Variants in ADGRG2 observed in about 807,000 individuals in gnomAD.
ADGRG2 encodes the protein adhesion G protein-coupled receptor G2.
ADGRG2 carries 26 observed loss-of-function variants against 74.1 expected under a neutral mutation model. The ratio of observed to expected loss-of-function variants is 0.35; its 90% CI spans 0.26 to 0.49. The LOEUF is 0.49. ADGRG2 is among the 20% of genes least tolerant of loss of function. The probability of loss-of-function intolerance (pLI) is 0.99; values close to 1 mark genes in which losing one functional copy is unlikely to be tolerated. For missense variants in ADGRG2, 619 were observed against 763.1 expected (o/e 0.81, Z 2.22); for synonymous variants, 296 against 295.2 (o/e 1.00, Z -0.03).
Position 19,107,642 on chromosome X carries a change from T to TG in ADGRG2, c.-47+14799_-47+14800insC, listed in dbSNP as rs1438995746. On this transcript the variant is annotated intron_variant, in intron 1 of 28. Transcript: ENST00000379869. ...TTCCAGGAGTTTTGTTTTTTGTTTT[T>TG]TTTTTTTTTTTCATTTCAAAAGAAA... Among the ~76,000 whole-genome samples the TG allele has an allele frequency of 5.1e-5, 4 of 78,348 alleles. No individual in the cohort carries two copies. In the East Asian group the frequency reaches 1.2e-3, roughly 24 times the overall value. The allele number at this position is 78,348 out of a possible 115,157, so 68.0% of individuals were successfully genotyped here.
chrX:19,010,485 A>G, intron 17 of ADGRG2, 128 bp downstream of exon 17: 1 of 557,178 alleles, frequency 1.8e-6, no homozygotes, highest in Non-Finnish European at 2.9e-6. Flanking sequence ...AATATAGAGT[A>G]GCAACCTGAG....
chrX:19,037,546 C>G, intron 5 of ADGRG2, 43 bp downstream of exon 5: 1 of 1,144,396 alleles, frequency 8.7e-7, no homozygotes, highest in East Asian at 3.0e-5. Flanking sequence ...AAAACTTTAA[C>G]AAATTGGACT....
chrX:19,002,890 G>T lies in ADGRG2; in HGVS notation c.2186C>A (p.Thr729Asn). The stretch of plus-strand genomic sequence containing the variant: ...TTTAAGGATGTATTTTCGGATGTAA[G>T]TATTAAATACTTTGACAAGGGCCAG... ...MYLALVKVFNTYIRKYILKFC... is the reference protein window; with the variant it reads ...MYLALVKVFNNYIRKYILKFC... The change falls in exon 24 of 29, where the codon ACT (threonine) becomes AAT (asparagine). Residue 729 changes from threonine to asparagine, a missense_variant. By Grantham distance (65) the Thr-to-Asn change is moderately conservative. Around this residue, in one of 3 missense-constraint regions of ADGRG2, gnomAD observed 221 missense variants for 340.6 expected, o/e 0.65. Transcript: ENST00000379869. 7 of 1,207,267 alleles carry T rather than the reference G, an allele frequency of 5.8e-6. No homozygotes were observed. Among genetic ancestry groups the T allele is most frequent in the Non-Finnish European group, 7.9e-6 (7 of 891,398 alleles).
intron 3 of ADGRG2, among the ~76,000 whole-genome samples, chrX:19,049,449 T>G (rs376351861): frequency 0.034 from 3,475 of 103,295 alleles, 67 homozygotes; most frequent in Non-Finnish European, 0.049. Context: ...TTTTTTTTTT[T>G]TTTTTTTTGT....
At chrX:19,023,196 G>A (rs1028379963) in intron 13 of ADGRG2, among the ~76,000 whole-genome samples, 2 of 108,069 alleles carry the variant, frequency 1.9e-5, no homozygotes, top group African/African-American at 6.8e-5. Context: ...TAAATGGCCC[G>A]ATACTACACA....
At chrX:19,002,310 C>T (rs1412112850) in intron 24 of ADGRG2, among the ~76,000 whole-genome samples, 2 of 111,427 alleles carry the variant, frequency 1.8e-5, no homozygotes, top group African/African-American at 3.3e-5. Flanking sequence ...TAAGGCCTTG[C>T]GACCTGCCAC....
rs983827181 is a variant in ADGRG2 at position 18,998,901 on chromosome X, C to T, written c.2614+95G>A. 3.6e-5 allele frequency: 26 copies of T among 719,859 alleles called. No homozygotes were observed. The Admixed American group carries it at 8.1e-4, about 22-fold the overall frequency. The allele number at this position is 719,859 out of a possible 1,213,427, so 59.3% of individuals were successfully genotyped here. ...ATTGTAGTGGTCTAGAACCAAACCC[C>T]CAACATCTCTGAGGCATGCCTGTAC... On this transcript the variant is annotated intron_variant, in intron 26 of 28. Transcript: ENST00000379869.
At chrX:19,031,986 T>C (rs2146695776) in intron 8 of ADGRG2, 1 of 112,497 alleles carries the variant, frequency 8.9e-6, no homozygotes, top group Non-Finnish European at 1.9e-5. Context: ...AGAAATATTT[T>C]TGTCTCCTTG....
intron 2 of ADGRG2, among the ~76,000 whole-genome samples, chrX:19,078,432 C>T (rs1004457548): frequency 1.8e-5 from 2 of 110,501 alleles, no homozygotes; most frequent in Non-Finnish European, 3.8e-5. Context: ...TGGTATGCGC[C>T]TATGGTCCCA....
Position 19,121,090 on chromosome X carries a change from C to T in ADGRG2, c.-47+1352G>A, listed in dbSNP as rs772250559. Among the ~76,000 whole-genome samples the T allele has an allele frequency of 6.3e-5, 7 of 111,435 alleles. No homozygotes were observed. The South Asian group carries it at 2.7e-3, about 43-fold the overall frequency. On this transcript the variant is annotated intron_variant, in intron 1 of 28. Coordinates refer to ENST00000379869, the MANE Select transcript of ADGRG2 (RefSeq NM_001079858.3). Reference sequence around the variant, plus strand: ...GACCCCTTTAAAGGTCTGAAAGAAACATTTACTGTTTATTCTCTCTGAGGG... The same window carrying T: ...GACCCCTTTAAAGGTCTGAAAGAAATATTTACTGTTTATTCTCTCTGAGGG...
chrX:19,085,996 G>C (rs199610966), intron 1 of ADGRG2, among the ~76,000 whole-genome samples: 1 of 111,472 alleles, frequency 9.0e-6, no homozygotes, highest in East Asian at 2.8e-4. Flanking sequence ...CAGGGAGCAG[G>C]AACTCACTTC....
chrX:19,014,892 C>T (rs1486390952), intron 15 of ADGRG2, among the ~76,000 whole-genome samples: 1 of 112,121 alleles, frequency 8.9e-6, no homozygotes, highest in Non-Finnish European at 1.9e-5. Flanking sequence ...CTCAGCCTCC[C>T]AAAGTGCTGG....
At chrX:19,013,278 A>G (rs2060396563) in intron 16 of ADGRG2, among the ~76,000 whole-genome samples, 1 of 111,611 alleles carries the variant, frequency 9.0e-6, no homozygotes, top group Non-Finnish European at 1.9e-5. Context: ...CAGTGTTCCA[A>G]CCAACTTTTG....
At position 19,068,701 on chromosome X, in the gene ADGRG2, A is replaced by G. The variant is rs938146286; in HGVS notation, c.118+16T>C. 1.8e-5 allele frequency: 14 copies of G among 775,727 alleles called. No individual in the cohort carries two copies. The African/African-American group carries it at 2.1e-4, about 12-fold the overall frequency. 63.9% of individuals were successfully genotyped at this position (775,727 alleles called of 1,213,427 possible). On this transcript the variant is annotated intron_variant, in intron 3 of 28. Transcript: ENST00000379869. The stretch of plus-strand genomic sequence containing the variant: ...TAAACAGAAAAAAAAAAAATGAAGA[A>G]AAACAGACACATTACCTTCCAGGGA...
At chrX:19,068,018 C>G (rs1206878453) in intron 3 of ADGRG2, among the ~76,000 whole-genome samples, 1 of 112,303 alleles carries the variant, frequency 8.9e-6, no homozygotes, top group Non-Finnish European at 1.9e-5. Context: ...TTGTGCCTTG[C>G]TTGTAGAAAT....
At chrX:19,081,677 G>A (rs2061848697) in intron 2 of ADGRG2, among the ~76,000 whole-genome samples, 1 of 111,683 alleles carries the variant, frequency 9.0e-6, no homozygotes, top group African/African-American at 3.3e-5. Flanking sequence ...AAGTTATAAT[G>A]GGATCATTCT....
chrX:19,056,848 T>C (rs1448881566), intron 3 of ADGRG2, among the ~76,000 whole-genome samples: 1 of 111,691 alleles, frequency 9.0e-6, no homozygotes, highest in African/African-American at 3.3e-5. Context: ...TTCTAATGAA[T>C]AAATGAACAT....
At chrX:18,999,315 ATAT>A (rs2060081132) in intron 25 of ADGRG2, 36 bp from the exon 26 acceptor site, 15 of 1,079,920 alleles carry the variant, frequency 1.4e-5, no homozygotes, top group Non-Finnish European at 1.9e-5. Context: ...AGGGGAAAAC[ATAT>A]TATAGTAATG....
chrX:19,035,997 AT>A lies in ADGRG2; in HGVS notation c.227-21del. The A allele has an allele frequency of 1.2e-6, 1 of 851,760 alleles. No homozygotes were observed. Among genetic ancestry groups the A allele is most frequent in the Non-Finnish European group, 1.7e-6 (1 of 584,159 alleles). 70.2% of individuals were successfully genotyped at this position (851,760 alleles called of 1,213,427 possible). ...TAACATCTGAAATAAAATAATAAAA[AT>A]TAGCATAACTACTGGCATGGTTTAC... On this transcript the variant is annotated intron_variant, in intron 6 of 28. Coordinates refer to ENST00000379869, the MANE Select transcript of ADGRG2 (RefSeq NM_001079858.3).
Sources: gnomAD v4.1 joint callset for allele counts (sites outside exome capture counted in the v4.1 genomes callset) on GRCh38, gnomAD v4.1.1 for gene constraint, gnomAD v4.1.1 regional missense constraint, MANE v1.5 for transcripts, NCBI Gene and HGNC (gene_info 2026-07-23, HGNC 2026-07-21) for gene names.